Variants in SIDT1 observed in about 807,000 individuals in gnomAD.
The protein encoded by SIDT1 is SID1 transmembrane family member 1.
In SIDT1, 101 loss-of-function variants were observed where a neutral mutation model predicts 107.5. The ratio of observed to expected loss-of-function variants is 0.94; its 90% CI spans 0.80 to 1.11. SIDT1 has a LOEUF of 1.11. Ranked by LOEUF, SIDT1 falls within the 50% of genes least tolerant of loss-of-function variation. SIDT1 has a pLI of 0.00. For missense variants in SIDT1, 1,076 were observed against 1,058.2 expected (o/e 1.02, Z -0.23); for synonymous variants, 395 against 398.2 (o/e 0.99, Z 0.10).
At chr3:113,612,787 G>A (rs1420596306) in intron 19 of SIDT1, among the ~76,000 whole-genome samples, 1 of 152,208 alleles carries the variant, frequency 6.6e-6, no homozygotes, top group Non-Finnish European at 1.5e-5. Context: ...AGTGGTTTTA[G>A]AGCATTTAAA....
rs150661858 is a variant in SIDT1 at position 113,626,158 on chromosome 3, C to T, written c.2364C>T (p.Phe788=). ...GCGAGTGCATTCTGCTGGATTTCTTCGATGACCATGACATCTGGCACTTCC... is the reference window on the plus strand; with the variant it reads ...GCGAGTGCATTCTGCTGGATTTCTTTGATGACCATGACATCTGGCACTTCC... The part of the protein sequence containing the change: ...KNRECILLDF[F]DDHDIWHFLS... Residue 788 remains phenylalanine, a synonymous_variant, in exon 24 of 25, where the codon TTC becomes TTT. Coordinates refer to ENST00000264852, the MANE Select transcript of SIDT1 (RefSeq NM_017699.3). 1.1e-5 allele frequency: 18 copies of T among 1,614,024 alleles called. No individual in the cohort carries two copies. The highest frequency in any genetic ancestry group is 1.1e-4 in the African/African-American group (8 of 74,918).
intron 6 of SIDT1, 33 bp from the exon 7 acceptor site, chr3:113,583,376 C>T: frequency 1.3e-6 from 2 of 1,523,080 alleles, no homozygotes; most frequent in South Asian, 2.4e-5. Flanking sequence ...CTCTTTCTTA[C>T]CGCCTATCAT....
intron 24 of SIDT1, 58 bp downstream of exon 24, chr3:113,626,273 T>C: frequency 8.5e-7 from 1 of 1,173,724 alleles, no homozygotes. Flanking sequence ...TGTACTCTCT[T>C]TTTCTTCTGC....
Position 113,625,950 on chromosome 3 carries a change from G to A in SIDT1, c.2308-152G>A. On this transcript the variant is annotated intron_variant, in intron 23 of 24. Transcript: ENST00000264852. Reference sequence around the variant, plus strand: ...GGTTGCCTGTGCTTTTGAGGTCTTTGTGTACAGGTTTTTGTGTGGATGGAT... The same window carrying A: ...GGTTGCCTGTGCTTTTGAGGTCTTTATGTACAGGTTTTTGTGTGGATGGAT... The A allele has an allele frequency of 7.8e-6, 5 of 644,350 alleles. No homozygotes were observed. In the South Asian group the frequency reaches 9.3e-5, roughly 12 times the overall value. 39.9% of individuals were successfully genotyped at this position (644,350 alleles called of 1,614,324 possible). A position where few individuals can be genotyped will look rare whatever the true frequency, so the allele number is the denominator to read the frequency against.
chr3:113,585,148 C>A (rs748535908), intron 8 of SIDT1, 29 bp from the exon 9 acceptor site: 3 of 1,525,614 alleles, frequency 2.0e-6, no homozygotes, highest in Middle Eastern at 3.4e-4. Flanking sequence ...CAGAGGATGA[C>A]CTGACCAAAG....
intron 1 of SIDT1, among the ~76,000 whole-genome samples, chr3:113,545,165 T>C (rs1388784160): frequency 6.7e-6 from 1 of 148,918 alleles, no homozygotes; most frequent in Non-Finnish European, 1.5e-5. Context: ...TAATAATACT[T>C]GATACTACGT....
In SIDT1 at chr3:113,581,379, G is replaced by T. The variant is rs1342424508; in HGVS notation, c.682G>T (p.Asp228Tyr). ...QNIMCPVYDL[D>Y]HNVEFNGVYQ... ...GCTGCAGTGCCCGGTGTATGATCTC[G>T]ACCACAATGTGGAATTTAATGGTGT... The change falls in exon 6 of 25, where the codon GAC (aspartate) becomes TAC (tyrosine). Residue 228 changes from aspartate to tyrosine, a missense_variant. Transcript: ENST00000264852. 1.2e-6 allele frequency: 2 copies of T among 1,613,700 alleles called. No individual in the cohort carries two copies. Among genetic ancestry groups the T allele is most frequent in the Non-Finnish European group, 1.7e-6 (2 of 1,179,874 alleles).
chr3:113,633,150 G>C (rs1488548496), downstream of SIDT1, among the ~76,000 whole-genome samples: 3 of 152,070 alleles, frequency 2.0e-5, no homozygotes, highest in Non-Finnish European at 1.5e-5. Flanking sequence ...CTCCCTAAGA[G>C]ACCTCTTTAG....
At chr3:113,589,708 AT>A (rs949411675) in intron 9 of SIDT1, 3 of 151,948 alleles carry the variant, frequency 2.0e-5, no homozygotes, top group Non-Finnish European at 2.9e-5. Flanking sequence ...TAATTTTTGT[AT>A]TTTTAGTAGA....
intron 21 of SIDT1, among the ~76,000 whole-genome samples, chr3:113,620,885 G>T (rs1428196282): frequency 6.6e-6 from 1 of 152,026 alleles, no homozygotes. Flanking sequence ...GCTTGTCTCC[G>T]TCTCTCACAT....
chr3:113,631,689 T>G (rs1947096325), downstream of SIDT1, among the ~76,000 whole-genome samples: 2 of 152,186 alleles, frequency 1.3e-5, no homozygotes, highest in Non-Finnish European at 2.9e-5. Flanking sequence ...CCACTGAGTT[T>G]CTAGAACACC....
chr3:113,594,185 C>CT (rs1194070624), intron 10 of SIDT1, among the ~76,000 whole-genome samples: 3 of 152,150 alleles, frequency 2.0e-5, no homozygotes, highest in Non-Finnish European at 4.4e-5. Flanking sequence ...GGAGAGTTTG[C>CT]TTTTTTCTTT....
intron 1 of SIDT1, among the ~76,000 whole-genome samples, chr3:113,537,657 G>C (rs982021813): frequency 6.6e-6 from 1 of 152,174 alleles, no homozygotes; most frequent in South Asian, 2.1e-4. Context: ...GGATATAACC[G>C]ACCACCATTG....
chr3:113,616,295 G>A (rs1253787630), intron 20 of SIDT1, 119 bp downstream of exon 20: 3 of 752,904 alleles, frequency 4.0e-6, no homozygotes, highest in East Asian at 5.0e-5. Context: ...ATGGCCCAGG[G>A]TGGCTAAAGG....
chr3:113,572,302 A>C (rs1180174512), intron 3 of SIDT1, among the ~76,000 whole-genome samples: 2 of 152,174 alleles, frequency 1.3e-5, no homozygotes, highest in African/African-American at 4.8e-5. Flanking sequence ...CTTAGGGGAG[A>C]GCTCTGAGTT....
At chr3:113,543,944 A>G (rs1037388656) in intron 1 of SIDT1, among the ~76,000 whole-genome samples, 15 of 152,196 alleles carry the variant, frequency 9.9e-5, no homozygotes, top group Admixed American at 3.3e-4. Flanking sequence ...TTTCTTTTGA[A>G]TAAGGGCTTT....
intron 20 of SIDT1, among the ~76,000 whole-genome samples, chr3:113,618,075 G>A (rs1350789578): frequency 6.6e-6 from 1 of 152,164 alleles, no homozygotes; most frequent in East Asian, 1.9e-4. Flanking sequence ...TCTGGGCTCG[G>A]CCTATTCATC....
At chr3:113,596,540 G>A (rs1167106384) in intron 10 of SIDT1, among the ~76,000 whole-genome samples, 1 of 152,176 alleles carries the variant, frequency 6.6e-6, no homozygotes, top group Non-Finnish European at 1.5e-5. Flanking sequence ...GGGACTTGAA[G>A]GGACTTTTTT....
intron 1 of SIDT1, among the ~76,000 whole-genome samples, chr3:113,560,063 G>T (rs1003657429): frequency 6.6e-6 from 1 of 152,128 alleles, no homozygotes; most frequent in South Asian, 2.1e-4. Flanking sequence ...TTGTTCCATC[G>T]CTGAGTATCC....
Sources: allele counts gnomAD v4.1 joint callset (sites outside exome capture counted in the v4.1 genomes callset), GRCh38; gene constraint gnomAD v4.1.1; transcripts MANE v1.5; gene names NCBI Gene and HGNC (gene_info 2026-07-23, HGNC 2026-07-21).